A4GALT: variants seen among roughly 807,000 people sequenced by gnomAD.
A4GALT encodes the protein lactosylceramide 4-alpha-galactosyltransferase.
For missense variants in A4GALT, 512 were observed against 486.0 expected (o/e 1.05, Z -0.50); for synonymous variants, 257 against 220.7 (o/e 1.16, Z -1.46).
chr22:42,702,113 TTCTC>T (rs920940705), intron 1 of A4GALT, among the ~76,000 whole-genome samples: 1 of 151,622 alleles, frequency 6.6e-6, no homozygotes, highest in African/African-American at 2.4e-5. Flanking sequence ...CTCTCTCTCT[TTCTC>T]TCTCTCTCCT....
At chr22:42,714,080 A>G (rs1430707834) in intron 1 of A4GALT, among the ~76,000 whole-genome samples, 2 of 152,026 alleles carry the variant, frequency 1.3e-5, no homozygotes, top group East Asian at 3.9e-4. Context: ...TCTTGAGGCC[A>G]AGAGTTGCGT....
intron 1 of A4GALT, among the ~76,000 whole-genome samples, chr22:42,696,121 C>CAAAAAAAAAAAAAAAAAAAAAAAA (rs1296048741): frequency 1.9e-5 from 1 of 53,910 alleles, no homozygotes; most frequent in African/African-American, 9.0e-5. Context: ...GACTCTATCT[C>CAAAAAAAAAAAAAAAAAAAAAAAA]AAAAAAAAAA....
At position 42,693,483 on chromosome 22, in the gene A4GALT, C is replaced by T. The variant is rs1362771471; in HGVS notation, c.469G>A (p.Asp157Asn). 2.5e-6 allele frequency: 4 copies of T among 1,613,100 alleles called. No homozygotes were observed. The highest frequency in any genetic ancestry group is 2.2e-5 in the East Asian group (1 of 44,874). Reference sequence around the variant, plus strand: ...CGCCCCTGCACGGCCGCGTACCAGTCGGCCAGGGGTGTGTCCCGGAACAGC... The same window carrying T: ...CGCCCCTGCACGGCCGCGTACCAGTTGGCCAGGGGTGTGTCCCGGAACAGC... ...RELFRDTPLA[D>N]WYAAVQGRWE... The change falls in exon 3 of 3, where the codon GAC becomes AAC. Residue 157 changes from aspartate (D) to asparagine (N), a missense_variant. Coordinates refer to ENST00000642412, the MANE Select transcript of A4GALT (RefSeq NM_017436.7).
rs755664626 is a variant in A4GALT at position 42,693,451 on chromosome 22, C to G, written c.501G>C (p.Glu167Asp). The G allele has an allele frequency of 6.2e-7, 1 of 1,613,232 alleles. No individual in the cohort carries two copies. ...CGGAGAGCACGGGCAGCAGGTAGGGCTCCCAGCGCCCCTGCACGGCCGCGT... is the reference window on the plus strand; with the variant it reads ...CGGAGAGCACGGGCAGCAGGTAGGGGTCCCAGCGCCCCTGCACGGCCGCGT... ...DWYAAVQGRW[E>D]PYLLPVLSDA... Residue 167 changes from glutamate (E) to aspartate (D), a missense_variant, in exon 3 of 3, where the codon GAG becomes GAC. Glu to Asp is a conservative substitution (Grantham distance 45). Transcript: ENST00000642412.
rs766184228 is a variant in A4GALT, at chr22:42,693,673, C to A, written c.279G>T (p.Leu93=). 5 of 1,600,226 alleles carry A rather than the reference C, an allele frequency of 3.1e-6. No homozygotes were observed. The Admixed American group carries it at 8.7e-5, about 28-fold the overall frequency. The change falls in exon 3 of 3, where the codon CTG becomes CTT. Residue 93 remains leucine (L), a synonymous_variant. Transcript: ENST00000642412. ...ETSDRTNPNF[L]FMCSVESAAR... is the part of the protein sequence containing the mutation. The stretch of plus-strand genomic sequence containing the variant: ...CGGCCGACTCCACCGAGCACATGAA[C>A]AGGAAGTTGGGGTTGGTCCGGTCTG...
Position 42,693,753 on chromosome 22 carries a change from G to C in A4GALT, c.199C>G (p.Pro67Ala). 1 of 1,607,676 alleles carries C rather than the reference G, an allele frequency of 6.2e-7. No individual in the cohort carries two copies. The highest frequency in any genetic ancestry group is 2.2e-5 in the East Asian group (1 of 44,586). ...AEIPCPTLTPPTPPSHGPTPG... is the reference protein window; with the variant it reads ...AEIPCPTLTPATPPSHGPTPG... Reference sequence around the variant, plus strand: ...GTGGGGCCGTGGGAGGGTGGGGTGGGGGGTGTCAAGGTGGGGCAGGGGATC... The same window carrying C: ...GTGGGGCCGTGGGAGGGTGGGGTGGCGGGTGTCAAGGTGGGGCAGGGGATC... Residue 67 changes from proline to alanine, a missense_variant, in exon 3 of 3, where the codon CCC becomes GCC. Pro to Ala is a conservative substitution (Grantham distance 27). Coordinates refer to ENST00000642412, the MANE Select transcript of A4GALT (RefSeq NM_017436.7).
At chr22:42,706,248 G>C (rs1375510597) in intron 1 of A4GALT, among the ~76,000 whole-genome samples, 1 of 149,544 alleles carries the variant, frequency 6.7e-6, no homozygotes, top group African/African-American at 2.5e-5. Context: ...CCAGTTACTC[G>C]GGAGGCTGAG....
intron 1 of A4GALT, among the ~76,000 whole-genome samples, chr22:42,713,810 C>CAAA (rs35353035): frequency 1.1e-5 from 1 of 93,160 alleles, no homozygotes; most frequent in African/African-American, 4.0e-5. Flanking sequence ...GAAACTCTGT[C>CAAA]AAAAAAAAAA....
Position 42,693,505 on chromosome 22 carries a change from C to G in A4GALT, c.447G>C (p.Leu149=). The G allele has an allele frequency of 6.2e-7, 1 of 1,613,220 alleles. No homozygotes were observed. Among genetic ancestry groups the G allele is most frequent in the Non-Finnish European group, 8.5e-7 (1 of 1,179,974 alleles). Residue 149 remains leucine, a synonymous_variant, in exon 3 of 3, where the codon CTG becomes CTC. Transcript: ENST00000642412. ...AGTCGGCCAGGGGTGTGTCCCGGAA[C>G]AGCTCCCGCAGGTCCAGCGGGAGCA... The part of the protein sequence containing the change: ...VQMLPLDLRE[L]FRDTPLADWY...
At chr22:42,698,730 G>A (rs12628919) in intron 1 of A4GALT, among the ~76,000 whole-genome samples, 16,303 of 152,226 alleles carry the variant, frequency 0.11, 1,556 homozygotes, top group East Asian at 0.56. Flanking sequence ...CACCTACTGG[G>A]CTGCATTCCC....
chr22:42,720,945 C>G (rs1246124566), upstream of A4GALT: 3 of 149,814 alleles, frequency 2.0e-5, no homozygotes, highest in Non-Finnish European at 3.0e-5. Flanking sequence ...CCGCCCGTCC[C>G]GACCTACCCT....
chr22:42,693,367 G>C lies in A4GALT; in HGVS notation c.585C>G (p.Phe195Leu), dbSNP rs754641713. ...GGTTCCGCAGGTTCTTGAGAACAATGAAGTCCGTGTCCAGGTAGATGCCGC... is the reference window on the plus strand; with the variant it reads ...GGTTCCGCAGGTTCTTGAGAACAATCAAGTCCGTGTCCAGGTAGATGCCGC... The part of the protein sequence containing the change: ...KFGGIYLDTD[F>L]IVLKNLRNLT... Residue 195 changes from phenylalanine (F) to leucine (L), a missense_variant, in exon 3 of 3, where the codon TTC becomes TTG. Transcript: ENST00000642412. 6.2e-7 allele frequency: 1 copy of C among 1,613,338 alleles called. No individual in the cohort carries two copies. The highest frequency in any genetic ancestry group is 1.7e-5 in the Admixed American group (1 of 60,024).
intron 1 of A4GALT, among the ~76,000 whole-genome samples, chr22:42,698,756 T>C (rs1162572374): frequency 6.6e-6 from 1 of 152,136 alleles, no homozygotes; most frequent in African/African-American, 2.4e-5. Flanking sequence ...GGTAAGGCAT[T>C]CTAAGTCACA....
chr22:42,711,886 G>A (rs1413054562), intron 1 of A4GALT, among the ~76,000 whole-genome samples: 2 of 152,110 alleles, frequency 1.3e-5, no homozygotes, highest in Non-Finnish European at 2.9e-5. Flanking sequence ...GCCTTCCAAA[G>A]TGCTAGGATC....
chr22:42,711,205 G>T (rs1921662511), intron 1 of A4GALT, among the ~76,000 whole-genome samples: 1 of 152,134 alleles, frequency 6.6e-6, no homozygotes, highest in Non-Finnish European at 1.5e-5. Flanking sequence ...AAGTAAGCTA[G>T]AGCAAGGATC....
rs1480037216 is a variant in A4GALT, at chr22:42,693,883, CAG to C, written c.67_68del (p.Leu23ValfsTer31). 1 of 1,610,350 alleles carries C rather than the reference CAG, an allele frequency of 6.2e-7. No homozygotes were observed. Among genetic ancestry groups the C allele is most frequent in the Non-Finnish European group, 8.5e-7 (1 of 1,178,896 alleles). On this transcript the variant is annotated frameshift_variant, in exon 3 of 3. Coordinates refer to ENST00000642412, the MANE Select transcript of A4GALT (RefSeq NM_017436.7). LOFTEE classifies it low-confidence loss of function (END_TRUNC). ...ACGTGAACTTGAAGCCGATGATGAACAGGGTGCAGACCCGCTGCCTTGGGGCG... is the reference window on the plus strand; with the variant it reads ...ACGTGAACTTGAAGCCGATGATGAACGGTGCAGACCCGCTGCCTTGGGGCG... ...RGAPRQRVCT[L>X]FIIGFKFTFF... is the part of the protein sequence containing the mutation.
chr22:42,702,025 CT>C (rs1400227466), intron 1 of A4GALT, among the ~76,000 whole-genome samples: 1 of 152,214 alleles, frequency 6.6e-6, no homozygotes, highest in Admixed American at 6.5e-5. Context: ...TGATCAGTGT[CT>C]TCTTCCTGCT....
At chr22:42,708,020 G>C (rs1330969467) in intron 1 of A4GALT, among the ~76,000 whole-genome samples, 4 of 151,710 alleles carry the variant, frequency 2.6e-5, no homozygotes, top group Non-Finnish European at 5.9e-5. Context: ...TTGGGAGGCT[G>C]AGCCAGGCAG....
chr22:42,697,326 C>T (rs1229543871), intron 1 of A4GALT, among the ~76,000 whole-genome samples: 3 of 151,926 alleles, frequency 2.0e-5, no homozygotes, highest in Admixed American at 1.3e-4. Flanking sequence ...CCCTGGGATG[C>T]GGGTAGCAAG....
Sources: allele counts gnomAD v4.1 joint callset (sites outside exome capture counted in the v4.1 genomes callset), GRCh38; gene constraint gnomAD v4.1.1; transcripts MANE v1.5; gene names NCBI Gene and HGNC (gene_info 2026-07-23, HGNC 2026-07-21).